ZCCHC24: variants seen among roughly 807,000 people sequenced by gnomAD.
The protein encoded by ZCCHC24 is zinc finger CCHC domain-containing protein 24.
A neutral mutation model predicts 26.2 loss-of-function variants in ZCCHC24; 10 were observed. That is an observed-to-expected ratio of 0.38 (90% CI 0.24 to 0.65). ZCCHC24 has a LOEUF of 0.65. ZCCHC24 is among the 30% of genes least tolerant of loss of function. ZCCHC24 has a pLI of 0.54. For missense variants in ZCCHC24, 243 were observed against 329.1 expected, an observed-to-expected ratio of 0.74 and a Z score of 2.03; for synonymous variants, 144 against 147.1, an observed-to-expected ratio of 0.98 and a Z score of 0.15.
chr10:79,397,824 C>T (rs1856566876), intron 2 of ZCCHC24, among the ~76,000 whole-genome samples: 2 of 152,126 alleles, frequency 1.3e-5, no homozygotes, highest in Non-Finnish European at 2.9e-5. Context: ...TCAAGTCATT[C>T]CAGGACACTG....
chr10:79,390,740 G>C (rs1327651715), intron 3 of ZCCHC24, among the ~76,000 whole-genome samples: 1 of 152,230 alleles, frequency 6.6e-6, no homozygotes, highest in African/African-American at 2.4e-5. Context: ...AAGGCCCAGT[G>C]GTGTTTTCTT....
intron 1 of ZCCHC24, chr10:79,444,214 A>G (rs1240833510): frequency 4.0e-6 from 6 of 1,500,840 alleles, no homozygotes; most frequent in Non-Finnish European, 5.3e-6. Flanking sequence ...AAGGCCACAG[A>G]TGGGTGTCTG....
Position 79,385,950 on chromosome 10 carries a change from T to G in ZCCHC24, c.*395A>C. On this transcript the variant is annotated 3_prime_UTR_variant, in exon 4 of 4. Coordinates refer to ENST00000372336, the MANE Select transcript of ZCCHC24 (RefSeq NM_153367.4). The surrounding 1 kb of genome is among the most constrained non-coding windows in gnomAD (Gnocchi z 4.3). ...GGGTGGGGGCAGGCGGCCTGGCTGG[T>G]CTGGGGAGGTTTGGGATTCACAGTC... 4.8e-6 allele frequency: 2 copies of G among 419,444 alleles called. No individual in the cohort carries two copies. Among genetic ancestry groups the G allele is most frequent in the Admixed American group, 3.9e-5 (1 of 25,820 alleles). 26.0% of individuals were successfully genotyped at this position (419,444 alleles called of 1,614,324 possible). A position where few individuals can be genotyped will look rare whatever the true frequency, so the allele number is the denominator to read the frequency against.
intron 2 of ZCCHC24, among the ~76,000 whole-genome samples, chr10:79,421,517 T>C (rs1856937099): frequency 6.6e-6 from 1 of 150,478 alleles, no homozygotes; most frequent in African/African-American, 2.4e-5. Context: ...TAATGAGTAA[T>C]GGGTGGCAGT....
rs879501079 is a variant in ZCCHC24, at chr10:79,388,555, C to T, written c.613-2097G>A. ...CAGACTCTGCTTGGCTCCCAAAGGA[C>T]GGTCTGATCAGTACAGTCGTGAAGT... is the stretch of plus-strand genomic sequence containing the variant. On this transcript the variant is annotated intron_variant, in intron 3 of 3. Transcript: ENST00000372336. Among the ~76,000 whole-genome samples, 8 of 152,308 alleles carry T rather than the reference C, an allele frequency of 5.3e-5. No homozygotes were observed. In the East Asian group the frequency reaches 1.2e-3, roughly 22 times the overall value.
chr10:79,414,658 A>C (rs968145747), intron 2 of ZCCHC24, among the ~76,000 whole-genome samples: 2 of 152,114 alleles, frequency 1.3e-5, no homozygotes, highest in African/African-American at 4.8e-5. Context: ...TGCAGCCACC[A>C]CAGCTGCCAG....
intron 2 of ZCCHC24, among the ~76,000 whole-genome samples, chr10:79,399,045 T>C (rs72642300): frequency 1.8e-4 from 1 of 5,522 alleles, no homozygotes; most frequent in Non-Finnish European, 4.7e-4. Flanking sequence ...AGAGACCCCC[T>C]AGCAGGAATT....
intron 2 of ZCCHC24, among the ~76,000 whole-genome samples, chr10:79,409,480 G>A (rs2097083767): frequency 1.3e-5 from 2 of 152,344 alleles, no homozygotes; most frequent in Admixed American, 1.3e-4. Flanking sequence ...CAGGGACAGA[G>A]ACCCTGTAGG....
rs925703268 is a variant in ZCCHC24, at chr10:79,411,660, A to G, written c.448-17220T>C. Among the ~76,000 whole-genome samples the G allele has an allele frequency of 2.6e-5, 4 of 152,298 alleles. No homozygotes were observed. In the East Asian group the frequency reaches 5.8e-4, roughly 22 times the overall value. On this transcript the variant is annotated intron_variant, in intron 2 of 3. Transcript: ENST00000372336. Reference sequence around the variant, plus strand: ...GCCCCACTTTCCAGAGGAGGAGGCCAAGGCCAGGGGACTCCAGCCCACACA... The same window carrying G: ...GCCCCACTTTCCAGAGGAGGAGGCCGAGGCCAGGGGACTCCAGCCCACACA...
At chr10:79,405,191 C>T (rs1395203145) in intron 2 of ZCCHC24, among the ~76,000 whole-genome samples, 1 of 152,232 alleles carries the variant, frequency 6.6e-6, no homozygotes, top group African/African-American at 2.4e-5. Flanking sequence ...TCATGTCCTG[C>T]CCTGACCCAA....
intron 2 of ZCCHC24, among the ~76,000 whole-genome samples, chr10:79,419,833 C>A (rs1176341558): frequency 6.6e-6 from 1 of 152,102 alleles, no homozygotes; most frequent in Non-Finnish European, 1.5e-5. Flanking sequence ...TAGGCTCTGC[C>A]AACATCTCTG....
At position 79,394,430 on chromosome 10, in the gene ZCCHC24, T is replaced by C. The variant is rs1324483790; in HGVS notation, c.458A>G (p.Lys153Arg). The change falls in exon 3 of 4, where the codon AAA (lysine) becomes AGA (arginine). Residue 153 changes from lysine (K) to arginine (R), a missense_variant. Lys to Arg is a conservative substitution (Grantham distance 26). Coordinates refer to ENST00000372336, the MANE Select transcript of ZCCHC24 (RefSeq NM_153367.4). ...YIKDCPQARP[K>R]GEGLTPYQGK... ...CTGGTATGGAGTCAGGCCCTCGCCT[T>C]TGGGGCGTGCCTACAGGGCAGGAAG... 1 of 1,613,978 alleles carries C rather than the reference T, an allele frequency of 6.2e-7. No homozygotes were observed.
chr10:79,412,138 G>A (rs979680403), intron 2 of ZCCHC24, among the ~76,000 whole-genome samples: 1 of 152,246 alleles, frequency 6.6e-6, no homozygotes, highest in Admixed American at 6.5e-5. Flanking sequence ...GCACAGGTCT[G>A]CAGCTGCACA....
chr10:79,440,037 T>C (rs967948419), intron 1 of ZCCHC24, among the ~76,000 whole-genome samples: 19 of 152,088 alleles, frequency 1.2e-4, no homozygotes, highest in African/African-American at 3.4e-4. Flanking sequence ...CTTGATGTTT[T>C]CAAAAACCCC....
intron 2 of ZCCHC24, chr10:79,403,582 C>T (rs939728915): frequency 1.4e-5 from 14 of 985,276 alleles, no homozygotes; most frequent in East Asian, 1.1e-4. Flanking sequence ...GGAGGAAGGA[C>T]GCGGCAAGAG....
rs1857070220 is a variant in ZCCHC24, at chr10:79,428,424, CA to C, written c.447+4133del. Among the ~76,000 whole-genome samples, 2 of 40,974 alleles carry C rather than the reference CA, an allele frequency of 4.9e-5. 1 individual carries two copies. Among genetic ancestry groups the C allele is most frequent in the African/African-American group, 3.6e-4 (2 of 5,584 alleles). The allele number at this position is 40,974 out of a possible 152,430, so 26.9% of individuals were successfully genotyped here. A position where few individuals can be genotyped will look rare whatever the true frequency, so the allele number is the denominator to read the frequency against. ...TTTTGCAAGATAAATTTCAGTTTTG[CA>C]AGATAAATTTCAGTTTTGCAAGATA... On this transcript the variant is annotated intron_variant, in intron 2 of 3. Transcript: ENST00000372336.
At chr10:79,409,300 C>A (rs923535582) in intron 2 of ZCCHC24, 2 of 152,276 alleles carry the variant, frequency 1.3e-5, no homozygotes, top group Non-Finnish European at 2.9e-5. Context: ...GCTGCGGAAG[C>A]TCTTTAGAAC....
At chr10:79,397,743 C>T in intron 2 of ZCCHC24, among the ~76,000 whole-genome samples, 1 of 152,154 alleles carries the variant, frequency 6.6e-6, no homozygotes, top group Non-Finnish European at 1.5e-5. Context: ...GCTCAGAGAG[C>T]TCACAGGACC....
At chr10:79,403,450 AG>A in intron 2 of ZCCHC24, 3 of 985,424 alleles carry the variant, frequency 3.0e-6, no homozygotes, top group Non-Finnish European at 3.6e-6. Flanking sequence ...CGGGGGAGGC[AG>A]GTGGAAGGGC....
Sources: gnomAD v4.1 joint callset for allele counts (sites outside exome capture counted in the v4.1 genomes callset) on GRCh38, gnomAD v4.1.1 for gene constraint, Gnocchi (gnomAD v3.1) non-coding constraint, MANE v1.5 for transcripts, NCBI Gene and HGNC (gene_info 2026-07-23, HGNC 2026-07-21) for gene names.